CTBP2: variants seen among roughly 807,000 people sequenced by gnomAD.
CTBP2 encodes C-terminal binding protein 2, also known as C-terminal-binding protein 2.
A neutral mutation model predicts 80.3 loss-of-function variants in CTBP2; 30 were observed. The observed-to-expected ratio is 0.37, with a 90% CI of 0.28 to 0.51. The LOEUF is 0.51. Ranked by LOEUF, CTBP2 falls within the 20% of genes least tolerant of loss-of-function variation. CTBP2 has a pLI of 0.93. For synonymous variants in CTBP2, 594 were observed against 587.4 expected, an observed-to-expected ratio of 1.01 and a Z score of -0.16; for missense variants, 1,212 against 1,375.3, an observed-to-expected ratio of 0.88 and a Z score of 1.88.
intron 2 of CTBP2, among the ~76,000 whole-genome samples, chr10:125,081,732 G>C (rs1346592543): frequency 6.6e-6 from 1 of 152,058 alleles, no homozygotes; most frequent in Non-Finnish European, 1.5e-5. Flanking sequence ...AATCAAGATT[G>C]ACTGATATTT....
At chr10:125,091,571 G>A (rs1848763704) in intron 2 of CTBP2, among the ~76,000 whole-genome samples, 1 of 152,170 alleles carries the variant, frequency 6.6e-6, no homozygotes, top group Admixed American at 6.5e-5. Context: ...CCGGGAGTTT[G>A]AGACCAGTCT....
intron 2 of CTBP2, among the ~76,000 whole-genome samples, chr10:125,054,287 C>G (rs1168982537): frequency 2.0e-5 from 3 of 152,248 alleles, no homozygotes; most frequent in East Asian, 3.8e-4. Flanking sequence ...GGGGATGTCA[C>G]TTCTGAGATT....
chr10:124,984,524 A>G lies in CTBP2; in HGVS notation c.*4994T>C, dbSNP rs554432279. On this transcript the variant is annotated 3_prime_UTR_variant, in exon 9 of 9. Transcript: ENST00000309035. ...GGACATTTGTTTTTTATTTTATCTA[A>G]CAAATTACCCTCTAGTGTGCTCCTC... The G allele has an allele frequency of 6.6e-5, 29 of 441,910 alleles. No homozygotes were observed. The highest frequency in any genetic ancestry group is 4.6e-4 in the African/African-American group (23 of 50,418). The allele number at this position is 441,910 out of a possible 1,614,324, so 27.4% of individuals were successfully genotyped here. A position where few individuals can be genotyped will look rare whatever the true frequency, so the allele number is the denominator to read the frequency against.
At chr10:125,134,751 G>C (rs1434437703) in intron 1 of CTBP2, among the ~76,000 whole-genome samples, 1 of 152,012 alleles carries the variant, frequency 6.6e-6, no homozygotes, top group Non-Finnish European at 1.5e-5. Context: ...TTGGGGAAAG[G>C]AGCCAACAGT....
chr10:125,075,981 A>G (rs1249625211), intron 2 of CTBP2, among the ~76,000 whole-genome samples: 2 of 152,258 alleles, frequency 1.3e-5, no homozygotes, highest in Non-Finnish European at 2.9e-5. Flanking sequence ...TGACATGATC[A>G]TGGCAGCAGC....
At chr10:125,129,849 C>A (rs143022897) in intron 1 of CTBP2, among the ~76,000 whole-genome samples, 2 of 152,014 alleles carry the variant, frequency 1.3e-5, no homozygotes, top group Non-Finnish European at 1.5e-5. Flanking sequence ...AACCTCTGCC[C>A]GTGAGCTCAA....
chr10:125,085,498 T>C (rs1564883320), intron 2 of CTBP2, among the ~76,000 whole-genome samples: 1 of 152,172 alleles, frequency 6.6e-6, no homozygotes, highest in South Asian at 2.1e-4. Flanking sequence ...AGGATTTAGC[T>C]GTCTTAAAGA....
chr10:125,008,517 G>A (rs4962418), intron 1 of CTBP2, among the ~76,000 whole-genome samples: 46,004 of 152,180 alleles, frequency 0.3, 7,731 homozygotes, highest in Middle Eastern at 0.45. Flanking sequence ...TGTGGAATGA[G>A]GGCAGTTGCT....
At chr10:125,091,843 A>C (rs1152667) in intron 2 of CTBP2, among the ~76,000 whole-genome samples, 1 of 152,140 alleles carries the variant, frequency 6.6e-6, no homozygotes, top group African/African-American at 2.4e-5. Context: ...TGGAAAAAAA[A>C]ATCACCCAAA....
intron 2 of CTBP2, among the ~76,000 whole-genome samples, chr10:125,072,642 A>C (rs1426392631): frequency 6.8e-6 from 1 of 147,132 alleles, no homozygotes; most frequent in Non-Finnish European, 1.5e-5. Flanking sequence ...AAGAAAAAAA[A>C]AAAAAAAAAA....
chr10:125,058,562 C>T (rs1041032799), intron 2 of CTBP2, among the ~76,000 whole-genome samples: 25 of 152,214 alleles, frequency 1.6e-4, no homozygotes, highest in Admixed American at 1.4e-3. Flanking sequence ...GAGGCTGAGG[C>T]GGGCAGATCA....
At chr10:125,036,945 C>CA (rs1426763321) in intron 3 of CTBP2, among the ~76,000 whole-genome samples, 1 of 152,130 alleles carries the variant, frequency 6.6e-6, no homozygotes, top group Non-Finnish European at 1.5e-5. Context: ...GGAGCACCAA[C>CA]AAAGCACTTG....
chr10:125,037,938 T>C (rs990598208), intron 3 of CTBP2, among the ~76,000 whole-genome samples: 4 of 152,244 alleles, frequency 2.6e-5, no homozygotes, highest in Non-Finnish European at 5.9e-5. Flanking sequence ...GAATGGAATA[T>C]TGGTGTTCAC....
intron 2 of CTBP2, among the ~76,000 whole-genome samples, chr10:125,061,695 C>T (rs982980910): frequency 7.9e-5 from 12 of 152,162 alleles, no homozygotes; most frequent in African/African-American, 2.7e-4. Flanking sequence ...ACGGAGCCCC[C>T]GTGCAGCATC....
upstream of CTBP2, among the ~76,000 whole-genome samples, chr10:125,030,937 G>A (rs1407300046): frequency 1.3e-5 from 2 of 152,130 alleles, no homozygotes; most frequent in Admixed American, 1.3e-4. Context: ...AGGTGATAGC[G>A]GAAATAACAT....
Position 125,049,046 on chromosome 10 carries a change from G to C in CTBP2, c.-101-9891C>G, listed in dbSNP as rs2946995. On this transcript the variant is annotated intron_variant, in intron 2 of 10. Transcript: ENST00000337195. ...GCCTCAATTTGCCCGCCTGACCACA[G>C]ACACACACACACACACACACACACA... Among the ~76,000 whole-genome samples the C allele has an allele frequency of 2.8e-3, 255 of 89,590 alleles. 1 individual carries two copies. Among genetic ancestry groups the C allele is most frequent in the South Asian group, 0.012 (29 of 2,386 alleles). The allele number at this position is 89,590 out of a possible 152,430, so 58.8% of individuals were successfully genotyped here. A position where few individuals can be genotyped will look rare whatever the true frequency, so the allele number is the denominator to read the frequency against.
intron 2 of CTBP2, among the ~76,000 whole-genome samples, chr10:125,096,946 TAG>T (rs1452200323): frequency 1.3e-5 from 2 of 152,252 alleles, no homozygotes; most frequent in Non-Finnish European, 2.9e-5. Context: ...CCAAACATTT[TAG>T]AGTGTATCTG....
At chr10:125,101,537 C>T (rs990730034) in intron 2 of CTBP2, among the ~76,000 whole-genome samples, 1 of 152,202 alleles carries the variant, frequency 6.6e-6, no homozygotes. Context: ...TTCATGGAAA[C>T]CCCAAACCTT....
intron 2 of CTBP2, among the ~76,000 whole-genome samples, chr10:125,071,081 G>A (rs1185737601): frequency 1.3e-5 from 2 of 152,244 alleles, no homozygotes; most frequent in African/African-American, 4.8e-5. Context: ...CTGTTGCATG[G>A]AAGCATATTC....
Sources: gnomAD v4.1 joint callset for allele counts (sites outside exome capture counted in the v4.1 genomes callset) on GRCh38, gnomAD v4.1.1 for gene constraint, MANE v1.5 for transcripts, NCBI Gene and HGNC (gene_info 2026-07-23, HGNC 2026-07-21) for gene names.